Variants in LARS1 observed in about 807,000 individuals in gnomAD.
The protein encoded by LARS1 is leucine--tRNA ligase, cytoplasmic.
Under a neutral mutation model 162.8 loss-of-function variants are expected in LARS1, and 100 were observed. That is an observed-to-expected ratio of 0.61 (90% CI 0.52 to 0.73). LARS1 has a LOEUF of 0.73. Ranked by LOEUF, LARS1 falls within the 30% of genes least tolerant of loss-of-function variation. LARS1 has a pLI of 0.00. For missense variants in LARS1, 1,258 were observed against 1,408.9 expected (o/e 0.89, Z 1.71); for synonymous variants, 457 against 462.8 (o/e 0.99, Z 0.16).
intron 6 of LARS1, among the ~76,000 whole-genome samples, chr5:146,163,766 G>A (rs1226343829): frequency 1.3e-5 from 2 of 152,182 alleles, no homozygotes; most frequent in Non-Finnish European, 2.9e-5. Flanking sequence ...CTAGCATTTA[G>A]CCTATCTTGC....
At chr5:146,160,712 T>A (rs575702975) in intron 6 of LARS1, among the ~76,000 whole-genome samples, 1 of 152,228 alleles carries the variant, frequency 6.6e-6, no homozygotes, top group African/African-American at 2.4e-5. Flanking sequence ...ATAGAAGCTA[T>A]AATAAATTAA....
Position 146,113,808 on chromosome 5 carries a change from G to A in LARS1, c.*298C>T, listed in dbSNP as rs1764079596. The A allele has an allele frequency of 3.0e-6, 1 of 335,542 alleles. No individual in the cohort carries two copies. The highest frequency in any genetic ancestry group is 5.5e-6 in the Non-Finnish European group (1 of 182,054). The allele number at this position is 335,542 out of a possible 1,614,324, so 20.8% of individuals were successfully genotyped here. The stretch of plus-strand genomic sequence containing the variant: ...GTACACCTCATAAAAGAAGCATACT[G>A]ACACTTTTATGTTCATCTTAAAAAC... On this transcript the variant is annotated 3_prime_UTR_variant, in exon 32 of 32. Coordinates refer to ENST00000394434, the MANE Select transcript of LARS1 (RefSeq NM_020117.11).
At chr5:146,144,561 T>A in intron 16 of LARS1, 24 bp from the exon 17 acceptor site, 1 of 1,600,558 alleles carries the variant, frequency 6.2e-7, no homozygotes, top group Non-Finnish European at 8.5e-7. Flanking sequence ...AATTGATATG[T>A]TTTTTTTTAA....
At chr5:146,173,395 TTAATA>T (rs1450426554) in intron 2 of LARS1, among the ~76,000 whole-genome samples, 1 of 151,852 alleles carries the variant, frequency 6.6e-6, no homozygotes, top group Non-Finnish European at 1.5e-5. Context: ...CTAGGCTAAT[TTAATA>T]TTTTACTGAA....
At chr5:146,121,850 T>A (rs985371628) in intron 30 of LARS1, among the ~76,000 whole-genome samples, 2 of 151,890 alleles carry the variant, frequency 1.3e-5, no homozygotes, top group African/African-American at 4.8e-5. Flanking sequence ...ACAGAAGGGA[T>A]AGCGTTAAGA....
intron 2 of LARS1, among the ~76,000 whole-genome samples, chr5:146,175,017 G>A (rs903048598): frequency 5.3e-5 from 8 of 151,982 alleles, no homozygotes; most frequent in Admixed American, 5.2e-4. Flanking sequence ...CCCAGGAGTT[G>A]GGACCAGCCT....
At chr5:146,182,042 G>T in intron 1 of LARS1, 1 of 162,322 alleles carries the variant, frequency 6.2e-6, no homozygotes, top group South Asian at 1.5e-4. Context: ...CCGGGTTCAA[G>T]CAATTCTCCT....
intron 19 of LARS1, 113 bp downstream of exon 19, chr5:146,143,299 A>G: frequency 7.1e-7 from 1 of 1,408,168 alleles, no homozygotes; most frequent in Non-Finnish European, 9.6e-7. Flanking sequence ...AAAAGCAAAA[A>G]TATCATGACA....
At chr5:146,156,820 C>A (rs565642718) in intron 10 of LARS1, among the ~76,000 whole-genome samples, 1 of 148,324 alleles carries the variant, frequency 6.7e-6, no homozygotes, top group African/African-American at 2.5e-5. Context: ...TTTAGTATTA[C>A]CAGGAATTCA....
chr5:146,173,910 C>CAT (rs1384461450), intron 2 of LARS1, among the ~76,000 whole-genome samples: 2 of 152,046 alleles, frequency 1.3e-5, no homozygotes, highest in African/African-American at 4.8e-5. Flanking sequence ...AGGCATACTT[C>CAT]ATATAGACTT....
chr5:146,152,661 T>C (rs1196979129), intron 13 of LARS1, among the ~76,000 whole-genome samples: 1 of 152,226 alleles, frequency 6.6e-6, no homozygotes, highest in Admixed American at 6.5e-5. Context: ...GGTTGGGGCC[T>C]GCTGATGTAA....
intron 4 of LARS1, among the ~76,000 whole-genome samples, chr5:146,168,756 A>G (rs1754131493): frequency 6.6e-6 from 1 of 152,152 alleles, no homozygotes; most frequent in Admixed American, 6.6e-5. Context: ...TAATTTATAA[A>G]GTAGTATTTT....
intron 4 of LARS1, among the ~76,000 whole-genome samples, chr5:146,170,696 A>C (rs568156830): frequency 9.2e-5 from 14 of 152,058 alleles, no homozygotes; most frequent in Non-Finnish European, 1.8e-4. Context: ...AAGTTCACAG[A>C]AAAAGAGAGA....
At chr5:146,165,561 G>A (rs1484284091) in intron 5 of LARS1, among the ~76,000 whole-genome samples, 1 of 151,746 alleles carries the variant, frequency 6.6e-6, no homozygotes, top group African/African-American at 2.4e-5. Flanking sequence ...TAAATTTTAT[G>A]GTATGTAAAT....
Position 146,155,287 on chromosome 5 carries a change from T to C in LARS1, c.1066-1307A>G, listed in dbSNP as rs111766249. 1.6e-4 allele frequency among the ~76,000 whole-genome samples: 24 copies of C among 152,330 alleles called. 1 individual carries two copies. The highest frequency in any genetic ancestry group is 5.8e-4 in the African/African-American group (24 of 41,578). On this transcript the variant is annotated intron_variant, in intron 10 of 31. Transcript: ENST00000394434. Reference sequence around the variant, plus strand: ...CACAGCAAAAGCCACAAAATGTTCATGTAACTCAGACTCAACAACAACTAA... The same window carrying C: ...CACAGCAAAAGCCACAAAATGTTCACGTAACTCAGACTCAACAACAACTAA...
chr5:146,140,122 T>C (rs1182297066), intron 21 of LARS1, 82 bp downstream of exon 21: 4 of 1,074,076 alleles, frequency 3.7e-6, no homozygotes, highest in African/African-American at 1.6e-5. Flanking sequence ...ATTTCTTACA[T>C]ACATTTAAAA....
intron 14 of LARS1, among the ~76,000 whole-genome samples, chr5:146,150,452 G>A (rs1753219897): frequency 6.6e-6 from 1 of 152,022 alleles, no homozygotes; most frequent in African/African-American, 2.4e-5. Flanking sequence ...TTTAATGAAT[G>A]CAGTGATTAA....
Position 146,129,058 on chromosome 5 carries a change from G to T in LARS1, c.2689C>A (p.His897Asn). Residue 897 changes from histidine to asparagine, a missense_variant, in exon 26 of 32, where the codon CAC becomes AAC. Transcript: ENST00000394434. ...ACTTCCATAAGATACTGTGAGGAGT[G>T]TATTAAAACTTCATTAACAGGACCT... ...VAGPVNEVLI[H>N]SSQYLMEVTH... The T allele has an allele frequency of 6.2e-7, 1 of 1,610,314 alleles. No homozygotes were observed. Among genetic ancestry groups the T allele is most frequent in the East Asian group, 2.2e-5 (1 of 44,846 alleles).
intron 6 of LARS1, among the ~76,000 whole-genome samples, chr5:146,163,937 GGAGA>G (rs1376255467): frequency 6.6e-6 from 1 of 152,062 alleles, no homozygotes; most frequent in East Asian, 1.9e-4. Flanking sequence ...GGAAAACCAA[GGAGA>G]GAAAGAGGGA....
Sources: gnomAD v4.1 joint callset for allele counts (sites outside exome capture counted in the v4.1 genomes callset) on GRCh38, gnomAD v4.1.1 for gene constraint, MANE v1.5 for transcripts, NCBI Gene and HGNC (gene_info 2026-07-23, HGNC 2026-07-21) for gene names.